FANCD2: variants seen among roughly 807,000 people sequenced by gnomAD.
FANCD2 encodes Fanconi anemia group D2 protein.
In FANCD2, 131 loss-of-function variants were observed where a neutral mutation model predicts 192.3. The observed-to-expected ratio is 0.68, with a 90% CI of 0.59 to 0.79. The LOEUF is 0.79. FANCD2 is among the 30% of genes least tolerant of loss of function. The probability of loss-of-function intolerance (pLI) is 0.00; values close to 1 mark genes in which losing one functional copy is unlikely to be tolerated. For synonymous variants in FANCD2, 524 were observed against 612.5 expected, an observed-to-expected ratio of 0.86 and a Z score of 2.13; for missense variants, 1,508 against 1,701.6, an observed-to-expected ratio of 0.89 and a Z score of 2.00.
At chr3:10,060,235 A>G in intron 18 of FANCD2, 59 bp from the exon 19 acceptor site, 9 of 1,209,134 alleles carry the variant, frequency 7.4e-6, no homozygotes, top group Admixed American at 1.7e-5. Flanking sequence ...CTCGATATCC[A>G]TACCTTCTTT....
chr3:10,040,873 T>C (rs918551481), intron 9 of FANCD2: 11 of 212,600 alleles, frequency 5.2e-5, no homozygotes, highest in Non-Finnish European at 1.0e-4. Flanking sequence ...TCATCTCCTT[T>C]TGTATAGTCT....
intron 28 of FANCD2, among the ~76,000 whole-genome samples, chr3:10,073,880 T>G (rs955673902): frequency 3.3e-5 from 5 of 152,206 alleles, no homozygotes; most frequent in African/African-American, 1.2e-4. Flanking sequence ...AGTCACACAG[T>G]TAATAAATGC....
chr3:10,045,899 C>T (rs1252591684), intron 14 of FANCD2, among the ~76,000 whole-genome samples: 1 of 151,932 alleles, frequency 6.6e-6, no homozygotes, highest in Non-Finnish European at 1.5e-5. Flanking sequence ...CGTGCCTGGC[C>T]TAGTAATTTT....
intron 25 of FANCD2, among the ~76,000 whole-genome samples, chr3:10,066,744 A>C (rs1357215265): frequency 1.3e-5 from 2 of 152,020 alleles, no homozygotes; most frequent in East Asian, 1.9e-4. Flanking sequence ...TGTTTTTTTG[A>C]GACAGAGTCT....
rs1693290609 is a variant in FANCD2 at position 10,072,208 on chromosome 3, ATGTGATTATTATACATTGTGTACC to A, written c.2495-659_2495-636del. 2.0e-5 allele frequency among the ~76,000 whole-genome samples: 3 copies of A among 152,236 alleles called. No homozygotes were observed. In the South Asian group the frequency reaches 6.2e-4, roughly 32 times the overall value. ...GGTGATGGATACCCCATTTACCCTC[ATGTGATTATTATACATTGTGTACC>A]TGTATCAAAATATCTCATGTGCGCC... is the stretch of plus-strand genomic sequence containing the variant. On this transcript the variant is annotated intron_variant, in intron 26 of 43. Transcript: ENST00000675286.
intron 2 of FANCD2, among the ~76,000 whole-genome samples, chr3:10,031,789 A>G (rs1325692235): frequency 6.6e-6 from 1 of 152,148 alleles, no homozygotes; most frequent in Non-Finnish European, 1.5e-5. Flanking sequence ...AAAAATTCGG[A>G]TTCCTAGGTC....
intron 6 of FANCD2, among the ~76,000 whole-genome samples, 184 bp from the exon 7 acceptor site, chr3:10,036,103 T>TTTTTTTTTTTTTTTTTTTTTTTTTTC: frequency 6.7e-6 from 1 of 149,414 alleles, no homozygotes; most frequent in Non-Finnish European, 1.5e-5. Context: ...TTTTTTTTTT[T>TTTTTTTTTTTTTTTTTTTTTTTTTTC]TTGAGTCAGA....
intron 17 of FANCD2, among the ~76,000 whole-genome samples, chr3:10,051,563 C>G (rs1442644703): frequency 6.6e-6 from 1 of 151,982 alleles, no homozygotes; most frequent in Non-Finnish European, 1.5e-5. Context: ...AGAGCAGTAA[C>G]TTGAAGACTT....
chr3:10,100,125 C>T (rs1168475754), intron 43 of FANCD2, among the ~76,000 whole-genome samples: 1 of 151,994 alleles, frequency 6.6e-6, no homozygotes, highest in Non-Finnish European at 1.5e-5. Context: ...GAGGTGGAGG[C>T]TGCAGTGAGC....
chr3:10,101,359 G>T lies in FANCD2; in HGVS notation c.*97G>T. On this transcript the variant is annotated 3_prime_UTR_variant, in exon 44 of 44. Coordinates refer to ENST00000675286, the MANE Select transcript of FANCD2 (RefSeq NM_001018115.3). ...CCGCTGTTTGCCTTTCTTACTGGTA[G>T]GATCCTTTTTTGTTCCTCTTTTTTT... is the stretch of plus-strand genomic sequence containing the variant. The T allele has an allele frequency of 5.5e-6, 4 of 729,056 alleles. No individual in the cohort carries two copies. The highest frequency in any genetic ancestry group is 9.6e-6 in the Non-Finnish European group (4 of 416,912). 45.2% of individuals were successfully genotyped at this position (729,056 alleles called of 1,614,324 possible). A position where few individuals can be genotyped will look rare whatever the true frequency, so the allele number is the denominator to read the frequency against.
chr3:10,091,926 C>T (rs1694635786), intron 37 of FANCD2, among the ~76,000 whole-genome samples: 1 of 152,146 alleles, frequency 6.6e-6, no homozygotes, highest in African/African-American at 2.4e-5. Context: ...GTATATGTTG[C>T]AAAGGCTTTT....
chr3:10,068,831 A>G (rs2087790389), intron 26 of FANCD2, among the ~76,000 whole-genome samples: 1 of 152,218 alleles, frequency 6.6e-6, no homozygotes, highest in Non-Finnish European at 1.5e-5. Context: ...GAGCCCAGAA[A>G]TAAGTCCATA....
chr3:10,095,334 T>C (rs1032195865), intron 41 of FANCD2, 60 bp downstream of exon 41: 24 of 1,345,348 alleles, frequency 1.8e-5, no homozygotes, highest in South Asian at 4.8e-5. Context: ...GCAGTTGCTA[T>C]TGGGGGATCC....
intron 7 of FANCD2, among the ~76,000 whole-genome samples, chr3:10,038,054 G>T (rs367980494): frequency 6.6e-6 from 1 of 152,116 alleles, no homozygotes; most frequent in Non-Finnish European, 1.5e-5. Flanking sequence ...ACAGTGGTGC[G>T]ATCTTGGCTC....
chr3:10,057,016 A>C (rs76763819), intron 18 of FANCD2, among the ~76,000 whole-genome samples: 3,966 of 152,166 alleles, frequency 0.026, 182 homozygotes, highest in African/African-American at 0.091. Context: ...CACCATGCCC[A>C]GCTAATTTTT....
chr3:10,096,462 G>C lies in FANCD2; in HGVS notation c.4175G>C (p.Arg1392Pro). The change falls in exon 42 of 44, where the codon CGG becomes CCG. Residue 1392 changes from arginine (R) to proline (P), a missense_variant. By Grantham distance (103) the Arg-to-Pro change is moderately radical. Coordinates refer to ENST00000675286, the MANE Select transcript of FANCD2 (RefSeq NM_001018115.3). ...EAFWLGNLKNRDLQGEEIKSQ... is the reference protein window; with the variant it reads ...EAFWLGNLKNPDLQGEEIKSQ... ...TTCTGGCTGGGCAATCTAAAAAACC[G>C]GGACTTGCAGGTAAGCCTTGGATCC... 6.2e-7 allele frequency: 1 copy of C among 1,614,034 alleles called. No homozygotes were observed. The highest frequency in any genetic ancestry group is 2.2e-5 in the East Asian group (1 of 44,880).
At chr3:10,058,056 C>A (rs544471843) in intron 18 of FANCD2, 1 of 488,684 alleles carries the variant, frequency 2.0e-6, no homozygotes. Context: ...ATTTTTCTTC[C>A]AGGGATGTAC....
intron 18 of FANCD2, among the ~76,000 whole-genome samples, chr3:10,059,499 C>A (rs1045667977): frequency 2.0e-4 from 31 of 152,120 alleles, no homozygotes; most frequent in Non-Finnish European, 4.0e-4. Context: ...ATCGCTAATC[C>A]TTAAAACAAC....
chr3:10,032,852 T>A lies in FANCD2; in HGVS notation c.85T>A (p.Ser29Thr). The A allele has an allele frequency of 6.2e-7, 1 of 1,613,202 alleles. No homozygotes were observed. Among genetic ancestry groups the A allele is most frequent in the Non-Finnish European group, 8.5e-7 (1 of 1,179,506 alleles). ...TTCAGAAACCAGGAAGCAACCACTT[T>A]CCAAAAAGACAAAGAAATCTCATAT... ...DASKTRKQPL[S>T]KKTKKSHIAN... The change falls in exon 3 of 44, where the codon TCC (serine) becomes ACC (threonine). Residue 29 changes from serine to threonine, a missense_variant. Coordinates refer to ENST00000675286, the MANE Select transcript of FANCD2 (RefSeq NM_001018115.3).
Sources: gnomAD v4.1 joint callset for allele counts (sites outside exome capture counted in the v4.1 genomes callset) on GRCh38, gnomAD v4.1.1 for gene constraint, MANE v1.5 for transcripts, NCBI Gene and HGNC (gene_info 2026-07-23, HGNC 2026-07-21) for gene names.